The following UBE2F variants were observed in gnomAD, a reference collection of about 807,000 sequenced individuals.
The protein encoded by UBE2F is NEDD8-conjugating enzyme UBE2F.
In UBE2F, 5 loss-of-function variants were observed where a neutral mutation model predicts 29.6. The observed-to-expected ratio is 0.17, with a 90% CI of 0.09 to 0.36. The LOEUF is 0.36. Among genes scored for constraint, UBE2F ranks in the 10% least tolerant of loss-of-function variants. The pLI is 1.00. For missense variants in UBE2F, 141 were observed against 228.5 expected (o/e 0.62, Z 2.47); for synonymous variants, 66 against 81.8 (o/e 0.81, Z 1.04).
chr2:237,991,622 T>TTTTTTTTTTA (rs2063592809), intron 3 of UBE2F, among the ~76,000 whole-genome samples: 2 of 138,860 alleles, frequency 1.4e-5, no homozygotes, highest in African/African-American at 5.3e-5. Flanking sequence ...TTTTTTTTTT[T>TTTTTTTTTTA]GAGACAGTCT....
intron 9 of UBE2F, 87 bp from the exon 10 acceptor site, chr2:238,041,201 G>A: frequency 7.6e-7 from 1 of 1,312,976 alleles, no homozygotes; most frequent in Non-Finnish European, 1.1e-6. Context: ...TGGTGCTGGT[G>A]GATCTGACTT....
chr2:238,019,600 A>G (rs953538205), intron 5 of UBE2F, among the ~76,000 whole-genome samples: 1 of 146,800 alleles, frequency 6.8e-6, no homozygotes, highest in African/African-American at 2.5e-5. Context: ...TCTCGACCTC[A>G]GGTGATCTGC....
chr2:238,035,042 C>A (rs556527950), intron 8 of UBE2F: 2 of 152,382 alleles, frequency 1.3e-5, no homozygotes, highest in Non-Finnish European at 2.9e-5. Context: ...TAGGCATGCG[C>A]CACCATGCCT....
chr2:237,991,609 C>CTTTCTTTTTTTTTTT (rs57180067), intron 3 of UBE2F, among the ~76,000 whole-genome samples: 4 of 53,050 alleles, frequency 7.5e-5, no homozygotes, highest in Non-Finnish European at 1.4e-4. Context: ...TTCTTTCTTT[C>CTTTCTTTTTTTTTTT]TTTTTTTTTT....
At chr2:237,996,947 C>T (rs1156446917) in intron 4 of UBE2F, among the ~76,000 whole-genome samples, 1 of 152,098 alleles carries the variant, frequency 6.6e-6, no homozygotes, top group African/African-American at 2.4e-5. Flanking sequence ...TGTGGCTGGG[C>T]CCGGTGGCTC....
At chr2:238,005,038 C>T (rs1210683632) in intron 4 of UBE2F, among the ~76,000 whole-genome samples, 4 of 152,262 alleles carry the variant, frequency 2.6e-5, no homozygotes, top group African/African-American at 9.6e-5. Context: ...CCATTTTGGT[C>T]TTCTGGCCTC....
rs1292322232 is a variant in UBE2F, at chr2:237,974,512, T to G, written c.118+1287T>G. ...GCCAAATTTTTGTGGTTTTTTTTTT[T>G]TTGTTTTTTTTTTTTTTTTGAGATG... is the stretch of plus-strand genomic sequence containing the variant. On this transcript the variant is annotated intron_variant, in intron 2 of 9. Coordinates refer to ENST00000272930, the MANE Select transcript of UBE2F (RefSeq NM_080678.3). Among the ~76,000 whole-genome samples, 18 of 112,214 alleles carry G rather than the reference T, an allele frequency of 1.6e-4. 1 individual carries two copies. The highest frequency in any genetic ancestry group is 1.2e-3 in the South Asian group (4 of 3,294). The allele number at this position is 112,214 out of a possible 152,430, so 73.6% of individuals were successfully genotyped here.
chr2:237,998,959 T>G (rs2063739019), intron 4 of UBE2F, among the ~76,000 whole-genome samples: 14 of 152,210 alleles, frequency 9.2e-5, no homozygotes, highest in Admixed American at 9.2e-4. Flanking sequence ...TATTTTGTGC[T>G]GTGGTCTGAA....
chr2:237,998,512 A>G (rs981397704), intron 4 of UBE2F, among the ~76,000 whole-genome samples: 1 of 136,544 alleles, frequency 7.3e-6, no homozygotes, highest in Admixed American at 7.2e-5. Context: ...ATTTTAATGA[A>G]TATGTCATAA....
intron 2 of UBE2F, among the ~76,000 whole-genome samples, chr2:237,979,820 T>A (rs1230652472): frequency 6.6e-6 from 1 of 152,218 alleles, no homozygotes; most frequent in African/African-American, 2.4e-5. Flanking sequence ...GTAGGAGACC[T>A]GTGGGCTCCA....
chr2:238,001,614 G>A (rs889926565), intron 4 of UBE2F, among the ~76,000 whole-genome samples: 6 of 152,034 alleles, frequency 3.9e-5, no homozygotes, highest in African/African-American at 1.4e-4. Context: ...TCAGGAGATC[G>A]AGACCATCCT....
rs200425329 is a variant in UBE2F at position 237,986,141 on chromosome 2, T to TC, written c.119-1821dup. 1.3e-3 allele frequency: 443 copies of TC among 328,810 alleles called. 2 individuals carry two copies. Among genetic ancestry groups the TC allele is most frequent in the South Asian group, 3.5e-3 (170 of 48,818 alleles). 20.4% of individuals were successfully genotyped at this position (328,810 alleles called of 1,614,324 possible). On this transcript the variant is annotated intron_variant, in intron 2 of 9. Coordinates refer to ENST00000272930, the MANE Select transcript of UBE2F (RefSeq NM_080678.3). ...CCAATTCATAGACTACCTTTTCTTT[T>TC]CTTTTTTTTTTTTTTTTGAGACGGG...
At chr2:237,987,929 A>G in intron 2 of UBE2F, 34 bp from the exon 3 acceptor site, 2 of 1,261,608 alleles carry the variant, frequency 1.6e-6, no homozygotes, top group South Asian at 2.8e-5. Context: ...GGAGTAATTG[A>G]CTAATATTAA....
At chr2:237,986,517 G>A (rs908991171) in intron 2 of UBE2F, among the ~76,000 whole-genome samples, 14 of 151,928 alleles carry the variant, frequency 9.2e-5, no homozygotes, top group African/African-American at 2.4e-4. Context: ...TTAGTTTGAT[G>A]TAATCCCACT....
At chr2:238,038,847 G>A (rs948665721) in intron 9 of UBE2F, among the ~76,000 whole-genome samples, 2 of 152,238 alleles carry the variant, frequency 1.3e-5, no homozygotes, top group African/African-American at 4.8e-5. Flanking sequence ...CCACTTATGT[G>A]CCAGGGGAGG....
At chr2:238,028,477 A>C (rs2064487563) in intron 6 of UBE2F, among the ~76,000 whole-genome samples, 1 of 152,262 alleles carries the variant, frequency 6.6e-6, no homozygotes, top group South Asian at 2.1e-4. Context: ...TAATTCCTCC[A>C]TTCAACAAAA....
In UBE2F at chr2:237,988,006, C is replaced by A. The variant is rs771883470; in HGVS notation, c.148+14C>A. 10 of 1,488,592 alleles carry A rather than the reference C, an allele frequency of 6.7e-6. No homozygotes were observed. Among genetic ancestry groups the A allele is most frequent in the Non-Finnish European group, 9.0e-6 (10 of 1,110,486 alleles). 92.2% of individuals were successfully genotyped at this position (1,488,592 alleles called of 1,614,324 possible). On this transcript the variant is annotated intron_variant, in intron 3 of 9. Transcript: ENST00000272930. ...CTAATTTACCTTGTAAGTATAGCAT[C>A]CCCAAACACTAAGTACTGTGAAATA...
At chr2:238,010,016 T>G (rs1233367580) in intron 4 of UBE2F, among the ~76,000 whole-genome samples, 1 of 152,198 alleles carries the variant, frequency 6.6e-6, no homozygotes, top group Non-Finnish European at 1.5e-5. Context: ...TGGAAAACCT[T>G]TGCTAGTTTT....
rs577031947 is a variant in UBE2F at position 237,982,380 on chromosome 2, G to A, written c.119-5583G>A. ...TCAGTGGCCTCACTCTTCATTGTCC[G>A]TCTGTGCCCAGACCTCACCTCTTCC... is the stretch of plus-strand genomic sequence containing the variant. On this transcript the variant is annotated intron_variant, in intron 2 of 9. Coordinates refer to ENST00000272930, the MANE Select transcript of UBE2F (RefSeq NM_080678.3). The surrounding 1 kb of genome is among the most constrained non-coding windows in gnomAD (Gnocchi z 4.1). Among the ~76,000 whole-genome samples, 42 of 152,256 alleles carry A rather than the reference G, an allele frequency of 2.8e-4. 1 individual carries two copies. Among genetic ancestry groups the A allele is most frequent in the South Asian group, 1.9e-3 (9 of 4,834 alleles).
Sources: allele counts gnomAD v4.1 joint callset (sites outside exome capture counted in the v4.1 genomes callset), GRCh38; gene constraint gnomAD v4.1.1; non-coding constraint Gnocchi (gnomAD v3.1); transcripts MANE v1.5; gene names NCBI Gene and HGNC (gene_info 2026-07-23, HGNC 2026-07-21).